The following TENM3 variants were observed in gnomAD, a reference collection of about 807,000 sequenced individuals.
The protein encoded by TENM3 is teneurin transmembrane protein 3.
TENM3 carries 63 observed loss-of-function variants against 255.1 expected under a neutral mutation model. The observed-to-expected ratio is 0.25, with a 90% confidence interval of 0.20 to 0.30. The LOEUF (loss-of-function observed/expected upper bound fraction) is 0.30. Ranked by LOEUF, TENM3 falls within the 10% of genes least tolerant of loss-of-function variation. TENM3 has a pLI of 1.00. For missense variants in TENM3, 2,929 were observed against 3,461.1 expected (o/e 0.85, Z 3.86); for synonymous variants, 1,306 against 1,322.3 (o/e 0.99, Z 0.27).
the TENM3 span, among the ~76,000 whole-genome samples, chr4:181,677,891 T>G: frequency 1.3e-5 from 2 of 152,122 alleles, no homozygotes; most frequent in Admixed American, 6.6e-5. Flanking sequence ...CTTCACATAC[T>G]GTTTCTTCTG....
At chr4:181,860,315 C>A in the TENM3 span, among the ~76,000 whole-genome samples, 1 of 152,106 alleles carries the variant, frequency 6.6e-6, no homozygotes, top group Non-Finnish European at 1.5e-5. Flanking sequence ...TTTCTCTCCG[C>A]CCTCCCAGTT....
intron 3 of TENM3, among the ~76,000 whole-genome samples, chr4:182,363,199 T>G (rs1190087367): frequency 6.6e-6 from 1 of 152,170 alleles, no homozygotes; most frequent in Non-Finnish European, 1.5e-5. Context: ...GCCAGAACTA[T>G]AGGATTGCTG....
the TENM3 span, among the ~76,000 whole-genome samples, chr4:181,920,916 T>G: frequency 1.3e-5 from 2 of 152,168 alleles, no homozygotes; most frequent in East Asian, 1.9e-4. Flanking sequence ...TTGTATAAGG[T>G]GTAAGGAAGG....
At chr4:182,477,944 A>G (rs1733833915) in intron 3 of TENM3, among the ~76,000 whole-genome samples, 1 of 152,170 alleles carries the variant, frequency 6.6e-6, no homozygotes, top group Non-Finnish European at 1.5e-5. Flanking sequence ...AATTTGGTAC[A>G]AAGCAGAACA....
the TENM3 span, among the ~76,000 whole-genome samples, chr4:182,134,131 A>G: frequency 1.3e-5 from 2 of 152,234 alleles, no homozygotes; most frequent in Non-Finnish European, 2.9e-5. Flanking sequence ...TCAAATTTCA[A>G]TAAGGAACCT....
chr4:182,799,515 C>A lies in TENM3; in HGVS notation c.7345-81C>A. On this transcript the variant is annotated intron_variant, in intron 27 of 27. Coordinates refer to ENST00000511685, the MANE Select transcript of TENM3 (RefSeq NM_001080477.4). The surrounding 1 kb of genome is among the most constrained non-coding windows in gnomAD (Gnocchi z 4.2). Reference sequence around the variant, plus strand: ...GCTTCCATGCATGCCCCGGCGCTGCCCCCAGAGTCCCGTGTGTGGGTCAGG... The same window carrying A: ...GCTTCCATGCATGCCCCGGCGCTGCACCCAGAGTCCCGTGTGTGGGTCAGG... 4.0e-6 allele frequency: 6 copies of A among 1,488,840 alleles called. No individual in the cohort carries two copies. Among genetic ancestry groups the A allele is most frequent in the Admixed American group, 2.6e-5 (1 of 37,892 alleles). The allele number at this position is 1,488,840 out of a possible 1,614,324, so 92.2% of individuals were successfully genotyped here.
chr4:182,136,643 G>C, the TENM3 span, among the ~76,000 whole-genome samples: 12 of 152,194 alleles, frequency 7.9e-5, no homozygotes, highest in African/African-American at 2.4e-4. Context: ...TGACACAAAT[G>C]GTTTTGGCTG....
Position 182,344,533 on chromosome 4 carries a change from A to G in TENM3, c.233-2118A>G, listed in dbSNP as rs182617374. Among the ~76,000 whole-genome samples the G allele has an allele frequency of 4.2e-3, 640 of 151,964 alleles. 5 individuals carry two copies. The highest frequency in any genetic ancestry group is 6.7e-3 in the Non-Finnish European group (454 of 67,946). On this transcript the variant is annotated intron_variant, in intron 2 of 27. Coordinates refer to ENST00000511685, the MANE Select transcript of TENM3 (RefSeq NM_001080477.4). Reference sequence around the variant, plus strand: ...AAGATTACAGTTTTCTGCTTCCTTCACCTCATAGATTTTTTGCATCAAGAT... The same window carrying G: ...AAGATTACAGTTTTCTGCTTCCTTCGCCTCATAGATTTTTTGCATCAAGAT...
intron 1 of TENM3, among the ~76,000 whole-genome samples, chr4:182,264,808 C>CT (rs976162113): frequency 7.9e-5 from 12 of 152,064 alleles, no homozygotes; most frequent in African/African-American, 2.7e-4. Flanking sequence ...GAAAGGATTT[C>CT]TTTTTTAAAG....
the TENM3 span, among the ~76,000 whole-genome samples, chr4:182,017,848 C>A: frequency 6.6e-6 from 1 of 152,164 alleles, no homozygotes; most frequent in Non-Finnish European, 1.5e-5. Context: ...AGACGATTTT[C>A]TTTTGCTATT....
the TENM3 span, among the ~76,000 whole-genome samples, chr4:181,703,307 G>C: frequency 6.6e-6 from 1 of 152,170 alleles, no homozygotes; most frequent in Non-Finnish European, 1.5e-5. Flanking sequence ...TACTGTTAGA[G>C]AGCCTTCTAT....
At chr4:182,256,074 T>A (rs1032809383) in intron 1 of TENM3, among the ~76,000 whole-genome samples, 2 of 152,220 alleles carry the variant, frequency 1.3e-5, no homozygotes, top group African/African-American at 4.8e-5. Context: ...CACTCTTCAC[T>A]GTCTCTTGGA....
the TENM3 span, among the ~76,000 whole-genome samples, chr4:182,029,530 A>G: frequency 6.6e-6 from 1 of 152,094 alleles, no homozygotes; most frequent in Non-Finnish European, 1.5e-5. Flanking sequence ...GGGTGCATAT[A>G]TATTTAAAAT....
chr4:181,717,400 A>G, the TENM3 span, among the ~76,000 whole-genome samples: 3 of 152,224 alleles, frequency 2.0e-5, no homozygotes, highest in African/African-American at 7.2e-5. Flanking sequence ...TACATAACAG[A>G]CATTCTTTTA....
chr4:181,628,110 T>G, the TENM3 span, among the ~76,000 whole-genome samples: 1 of 152,226 alleles, frequency 6.6e-6, no homozygotes, highest in East Asian at 1.9e-4. Context: ...TTTTTTCATG[T>G]GTCTTTTGGC....
At chr4:182,181,158 C>T (rs1752816279) in intron 1 of TENM3, among the ~76,000 whole-genome samples, 1 of 152,154 alleles carries the variant, frequency 6.6e-6, no homozygotes, top group Non-Finnish European at 1.5e-5. Flanking sequence ...AAACACCTTT[C>T]TTAGGAGTGA....
In TENM3 at chr4:182,590,852, G is replaced by GA. The variant is rs35247987; in HGVS notation, c.512-10061dup. Among the ~76,000 whole-genome samples the GA allele has an allele frequency of 1.7e-3, 233 of 140,260 alleles. 1 individual carries two copies. Among genetic ancestry groups the GA allele is most frequent in the East Asian group, 0.014 (66 of 4,860 alleles). 92.0% of individuals were successfully genotyped at this position (140,260 alleles called of 152,430 possible). ...GACAGAGCGAGACTCCGTCTCAAAA[G>GA]AAAAAAAAAAACAAAAAACCAGAAA... On this transcript the variant is annotated intron_variant, in intron 3 of 27. Transcript: ENST00000511685.
chr4:182,229,554 T>C (rs1756416288), intron 1 of TENM3, among the ~76,000 whole-genome samples: 1 of 152,086 alleles, frequency 6.6e-6, no homozygotes, highest in African/African-American at 2.4e-5. Context: ...GAGAGCAAAA[T>C]TTTGTTTTCA....
At chr4:182,622,123 G>A (rs776017002) in intron 4 of TENM3, among the ~76,000 whole-genome samples, 1 of 152,024 alleles carries the variant, frequency 6.6e-6, no homozygotes, top group Non-Finnish European at 1.5e-5. Flanking sequence ...CACTTTGGGA[G>A]GCCAAGGCGG....
Sources: allele counts gnomAD v4.1 joint callset (sites outside exome capture counted in the v4.1 genomes callset), GRCh38; gene constraint gnomAD v4.1.1; non-coding constraint Gnocchi (gnomAD v3.1); transcripts MANE v1.5; gene names NCBI Gene and HGNC (gene_info 2026-07-23, HGNC 2026-07-21).